Variants in PRKCA observed in about 807,000 individuals in gnomAD.
The protein encoded by PRKCA is protein kinase C alpha type.
A neutral mutation model predicts 87.0 loss-of-function variants in PRKCA; 27 were observed. That is an observed-to-expected ratio of 0.31 (90% CI 0.23 to 0.43). The LOEUF is 0.43. Among genes scored for constraint, PRKCA ranks in the 20% least tolerant of loss-of-function variants. PRKCA has a pLI of 1.00. For synonymous variants in PRKCA, 329 were observed against 311.1 expected (o/e 1.06, Z -0.61); for missense variants, 518 against 852.3 (o/e 0.61, Z 4.88).
At chr17:66,482,461 C>T (rs908541753) in intron 2 of PRKCA, among the ~76,000 whole-genome samples, 6 of 152,180 alleles carry the variant, frequency 3.9e-5, no homozygotes, top group African/African-American at 7.2e-5. Flanking sequence ...CATTCTCAGA[C>T]TCTCAGTGAT....
At position 66,644,340 on chromosome 17, in the gene PRKCA, C is replaced by T. The variant is rs895830362; in HGVS notation, c.401-1043C>T. Among the ~76,000 whole-genome samples, 4 of 152,152 alleles carry T rather than the reference C, an allele frequency of 2.6e-5. No homozygotes were observed. The East Asian group carries it at 7.7e-4, about 29-fold the overall frequency. On this transcript the variant is annotated intron_variant, in intron 4 of 16. Transcript: ENST00000413366. ...TCAAAATGAAACGGAAAGGAAGACT[C>T]CACCTTGATGATTACAGAATAACCT...
intron 8 of PRKCA, among the ~76,000 whole-genome samples, chr17:66,692,670 G>A (rs1164346755): frequency 1.3e-5 from 2 of 152,162 alleles, no homozygotes; most frequent in African/African-American, 2.4e-5. Context: ...TGTAGCATGA[G>A]TGCTTCCCAG....
intron 3 of PRKCA, among the ~76,000 whole-genome samples, chr17:66,639,885 C>T (rs1317865448): frequency 6.6e-6 from 1 of 152,012 alleles, no homozygotes; most frequent in Non-Finnish European, 1.5e-5. Flanking sequence ...ATCCCAGCTA[C>T]TTGGGAGGCT....
chr17:66,410,428 A>G (rs1911713999), intron 2 of PRKCA, among the ~76,000 whole-genome samples: 1 of 152,174 alleles, frequency 6.6e-6, no homozygotes, highest in Non-Finnish European at 1.5e-5. Context: ...TGTTTGAGGG[A>G]TCTTTTGCAG....
At chr17:66,386,457 G>T (rs9652866) in intron 2 of PRKCA, among the ~76,000 whole-genome samples, 77,251 of 152,122 alleles carry the variant, frequency 0.51, 21,807 homozygotes, top group Non-Finnish European at 0.64. Flanking sequence ...TCGACTCTGA[G>T]CAAGTTGCTT....
intron 3 of PRKCA, among the ~76,000 whole-genome samples, chr17:66,554,241 A>G (rs1018632534): frequency 1.3e-4 from 10 of 78,534 alleles, no homozygotes; most frequent in African/African-American, 6.0e-4. Flanking sequence ...GTCTCTATGA[A>G]AAAAAAAAAA....
Position 66,809,076 on chromosome 17 carries a change from A to G in PRKCA, c.*5039A>G, listed in dbSNP as rs546936977. ...ACATGTGAAATACACTGGACGGTCAACATTCCTGTCTCCTCCCATTTGGGC... is the reference window on the plus strand; with the variant it reads ...ACATGTGAAATACACTGGACGGTCAGCATTCCTGTCTCCTCCCATTTGGGC... On this transcript the variant is annotated 3_prime_UTR_variant, in exon 17 of 17. Coordinates refer to ENST00000413366, the MANE Select transcript of PRKCA (RefSeq NM_002737.3). The G allele has an allele frequency of 2.0e-5, 3 of 152,348 alleles. No individual in the cohort carries two copies. Among genetic ancestry groups the G allele is most frequent in the Admixed American group, 6.5e-5 (1 of 15,310 alleles). The allele number at this position is 152,348 out of a possible 1,614,324, so 9.4% of individuals were successfully genotyped here. A position where few individuals can be genotyped will look rare whatever the true frequency, so the allele number is the denominator to read the frequency against.
chr17:66,660,114 A>T (rs939343404), intron 5 of PRKCA, among the ~76,000 whole-genome samples: 1 of 149,598 alleles, frequency 6.7e-6, no homozygotes, highest in Non-Finnish European at 1.5e-5. Context: ...AGAATTAGGG[A>T]TCAACAAAAA....
intron 3 of PRKCA, among the ~76,000 whole-genome samples, chr17:66,593,579 A>G (rs536776120): frequency 6.6e-6 from 1 of 152,334 alleles, no homozygotes; most frequent in East Asian, 1.9e-4. Context: ...AGGGGTTCCT[A>G]TCACTAAAAG....
chr17:66,606,088 A>G lies in PRKCA; in HGVS notation c.289-35267A>G, dbSNP rs151174441. 5.7e-3 allele frequency among the ~76,000 whole-genome samples: 872 copies of G among 152,334 alleles called. 10 individuals carry two copies. The highest frequency in any genetic ancestry group is 0.017 in the African/African-American group (726 of 41,578). ...TATGTGAATTGTATCTCAAAGCTGT[A>G]TATAAAAAATAATTAATGAGGCCAG... On this transcript the variant is annotated intron_variant, in intron 3 of 16. Transcript: ENST00000413366.
intron 1 of PRKCA, 77 bp downstream of exon 1, chr17:66,303,101 G>T: frequency 6.4e-7 from 1 of 1,551,704 alleles, no homozygotes; most frequent in South Asian, 1.2e-5. Context: ...CGGCGCGTCC[G>T]CCCCGGGGCT....
intron 13 of PRKCA, among the ~76,000 whole-genome samples, chr17:66,763,479 G>A (rs934389124): frequency 6.6e-6 from 1 of 152,192 alleles, no homozygotes; most frequent in Non-Finnish European, 1.5e-5. Context: ...CTGTTTGGAC[G>A]CGTCAGACAG....
intron 2 of PRKCA, among the ~76,000 whole-genome samples, chr17:66,375,922 C>T (rs1909391739): frequency 6.6e-6 from 1 of 152,138 alleles, no homozygotes; most frequent in Admixed American, 6.5e-5. Flanking sequence ...TGCTAACATG[C>T]TGAGCTGTGA....
intron 13 of PRKCA, among the ~76,000 whole-genome samples, chr17:66,767,412 T>C (rs1974835302): frequency 6.6e-6 from 1 of 152,182 alleles, no homozygotes; most frequent in Non-Finnish European, 1.5e-5. Context: ...ACACAAGATG[T>C]GTGTAGTGGG....
chr17:66,454,361 G>A (rs1232672367), intron 2 of PRKCA, among the ~76,000 whole-genome samples: 1 of 152,222 alleles, frequency 6.6e-6, no homozygotes, highest in Non-Finnish European at 1.5e-5. Flanking sequence ...TAACAGCAAA[G>A]ACCATGGAGG....
intron 2 of PRKCA, among the ~76,000 whole-genome samples, chr17:66,327,564 A>G (rs543255421): frequency 2.0e-4 from 31 of 152,178 alleles, no homozygotes; most frequent in Middle Eastern, 3.4e-3. Flanking sequence ...GGATGTTTCT[A>G]TCGTCATGTG....
At chr17:66,353,355 A>AGT (rs1907866115) in intron 2 of PRKCA, among the ~76,000 whole-genome samples, 1 of 152,032 alleles carries the variant, frequency 6.6e-6, no homozygotes, top group Non-Finnish European at 1.5e-5. Context: ...TATCCTTTAG[A>AGT]CGGCAGATAT....
intron 2 of PRKCA, among the ~76,000 whole-genome samples, chr17:66,493,063 CT>C (rs1916312478): frequency 1.3e-5 from 2 of 152,282 alleles, no homozygotes; most frequent in Admixed American, 1.3e-4. Flanking sequence ...TTATCTGGCT[CT>C]TTGTCTGCTC....
At chr17:66,442,621 T>G (rs895600457) in intron 2 of PRKCA, among the ~76,000 whole-genome samples, 1 of 152,146 alleles carries the variant, frequency 6.6e-6, no homozygotes, top group Non-Finnish European at 1.5e-5. Flanking sequence ...CCCACACTTT[T>G]TCTTCATAGC....
Sources: gnomAD v4.1 joint callset for allele counts (sites outside exome capture counted in the v4.1 genomes callset) on GRCh38, gnomAD v4.1.1 for gene constraint, MANE v1.5 for transcripts, NCBI Gene and HGNC (gene_info 2026-07-23, HGNC 2026-07-21) for gene names.